The following C1QTNF2 variants were observed in gnomAD, a reference collection of about 807,000 sequenced individuals.
C1QTNF2 encodes complement C1q tumor necrosis factor-related protein 2.
A neutral mutation model predicts 17.4 loss-of-function variants in C1QTNF2; 15 were observed. That is an observed-to-expected ratio of 0.86 (90% CI 0.58 to 1.33). The LOEUF (loss-of-function observed/expected upper bound fraction) is 1.33, where lower values mean the gene tolerates loss of function less well. Among genes scored for constraint, C1QTNF2 ranks in the 40% most tolerant of loss-of-function variants. The probability of loss-of-function intolerance (pLI) is 0.00; values close to 1 mark genes in which losing one functional copy is unlikely to be tolerated. For synonymous variants in C1QTNF2, 154 were observed against 163.3 expected (o/e 0.94, Z 0.44); for missense variants, 381 against 392.3 (o/e 0.97, Z 0.24).
chr5:160,363,347 C>T (rs1764188291), intron 1 of C1QTNF2, among the ~76,000 whole-genome samples: 2 of 152,214 alleles, frequency 1.3e-5, no homozygotes, highest in African/African-American at 4.8e-5. Flanking sequence ...ATCTCAAGAT[C>T]AGTGTCCTTT....
intron 2 of C1QTNF2, among the ~76,000 whole-genome samples, chr5:160,350,110 TGAGAA>T (rs2077242806): frequency 1.3e-5 from 2 of 152,170 alleles, no homozygotes; most frequent in South Asian, 4.1e-4. Flanking sequence ...GGTAATGGGT[TGAGAA>T]GAGAACTGGA....
chr5:160,361,678 G>A (rs546747568), intron 1 of C1QTNF2, among the ~76,000 whole-genome samples: 1 of 152,334 alleles, frequency 6.6e-6, no homozygotes, highest in South Asian at 2.1e-4. Context: ...GTTTGACACT[G>A]TAAACGCTCC....
At chr5:160,367,586 C>A (rs1310871604) in intron 1 of C1QTNF2, among the ~76,000 whole-genome samples, 4 of 152,192 alleles carry the variant, frequency 2.6e-5, no homozygotes, top group Non-Finnish European at 4.4e-5. Flanking sequence ...TGGCCACCTG[C>A]AAGCCACAGA....
intron 1 of C1QTNF2, among the ~76,000 whole-genome samples, chr5:160,356,163 G>T (rs960772607): frequency 1.3e-5 from 2 of 152,232 alleles, no homozygotes; most frequent in African/African-American, 4.8e-5. Flanking sequence ...CAACAAATCA[G>T]TTCCTTTGCT....
intron 1 of C1QTNF2, among the ~76,000 whole-genome samples, chr5:160,363,568 G>A (rs994020981): frequency 6.6e-6 from 1 of 152,242 alleles, no homozygotes; most frequent in African/African-American, 2.4e-5. Flanking sequence ...AAAGCACACA[G>A]GAAATCAGCC....
rs1354840992 is a variant in C1QTNF2 at position 160,350,750 on chromosome 5, A to ATT, written c.245-971_245-970dup. ...AAAAGGAATGGAATCCACAATGCCA[A>ATT]TTTTTTTTTTTTTTTTTTGAGACGG... On this transcript the variant is annotated intron_variant, in intron 2 of 2. Coordinates refer to ENST00000652664, the MANE Select transcript of C1QTNF2 (RefSeq NM_031908.6). Among the ~76,000 whole-genome samples, 635 of 140,232 alleles carry ATT rather than the reference A, an allele frequency of 4.5e-3. 6 individuals are homozygous for ATT. The highest frequency in any genetic ancestry group is 0.039 in the Middle Eastern group (11 of 282). The allele number at this position is 140,232 out of a possible 152,430, so 92.0% of individuals were successfully genotyped here.
rs1763859610 is a variant in C1QTNF2 at position 160,349,251 on chromosome 5, G to A, written c.775C>T (p.Leu259Phe). 1.9e-6 allele frequency: 3 copies of A among 1,614,002 alleles called. No individual in the cohort carries two copies. The highest frequency in any genetic ancestry group is 2.5e-6 in the Non-Finnish European group (3 of 1,180,014). ...LQIFYSEQNG[L>F]FYDPYWTDSL... The stretch of plus-strand genomic sequence containing the variant: ...TCTGTCCAGTAAGGGTCATAGAAGA[G>A]CCCGTTCTGCTCTGAGTAGAAGATC... Residue 259 changes from leucine to phenylalanine, a missense_variant, in exon 3 of 3, where the codon CTC becomes TTC. By Grantham distance (22) the Leu-to-Phe change is conservative (BLOSUM62 0). Coordinates refer to ENST00000652664, the MANE Select transcript of C1QTNF2 (RefSeq NM_031908.6). This position sits in a 1 kb window ranked among gnomAD's most constrained non-coding sequence, Gnocchi z 4.3.
At position 160,369,125 on chromosome 5, in the gene C1QTNF2, T is replaced by C. The variant is rs115081049; in HGVS notation, c.-10+1387A>G. On this transcript the variant is annotated intron_variant, in intron 1 of 2. Coordinates refer to ENST00000652664, the MANE Select transcript of C1QTNF2 (RefSeq NM_031908.6). ...GTACAGAAGGGTTGGGGAAATACTTTCCGAAAAGACACAATCTTGTTAAGG... is the reference window on the plus strand; with the variant it reads ...GTACAGAAGGGTTGGGGAAATACTTCCCGAAAAGACACAATCTTGTTAAGG... Among the ~76,000 whole-genome samples, 1,276 of 152,194 alleles carry C rather than the reference T, an allele frequency of 8.4e-3. 15 individuals carry two copies. The highest frequency in any genetic ancestry group is 0.029 in the African/African-American group (1,224 of 41,534).
intron 1 of C1QTNF2, among the ~76,000 whole-genome samples, chr5:160,360,963 T>G (rs957164593): frequency 3.3e-5 from 5 of 151,852 alleles, no homozygotes; most frequent in African/African-American, 1.2e-4. Context: ...CCCGGCTAAT[T>G]TTTTGTATTT....
chr5:160,350,515 G>T (rs986041031), intron 2 of C1QTNF2, among the ~76,000 whole-genome samples: 4 of 152,034 alleles, frequency 2.6e-5, no homozygotes, highest in Non-Finnish European at 4.4e-5. Flanking sequence ...ACCAGCCTGG[G>T]CAATGTAGCC....
At chr5:160,361,610 G>C (rs1329997009) in intron 1 of C1QTNF2, among the ~76,000 whole-genome samples, 1 of 152,002 alleles carries the variant, frequency 6.6e-6, no homozygotes, top group African/African-American at 2.4e-5. Flanking sequence ...ACCTACCTCA[G>C]GGAGTTTGTG....
rs1763883584 is a variant in C1QTNF2, at chr5:160,349,860, A to G, written c.245-79T>C. The stretch of plus-strand genomic sequence containing the variant: ...GGGTGCGGTGCGGCTTGGTCTTCCA[A>G]TCTTGGAGAAGGAGTGCTTGGGTAA... On this transcript the variant is annotated intron_variant, in intron 2 of 2. Coordinates refer to ENST00000652664, the MANE Select transcript of C1QTNF2 (RefSeq NM_031908.6). This position sits in a 1 kb window ranked among gnomAD's most constrained non-coding sequence, Gnocchi z 4.3. 6.9e-7 allele frequency: 1 copy of G among 1,456,612 alleles called. No individual in the cohort carries two copies. Among genetic ancestry groups the G allele is most frequent in the Non-Finnish European group, 9.1e-7 (1 of 1,104,348 alleles). The allele number at this position is 1,456,612 out of a possible 1,614,324, so 90.2% of individuals were successfully genotyped here.
rs1400949450 is a variant in C1QTNF2 at position 160,347,766 on chromosome 5, TTTTG to T, written c.*1398_*1401del. On this transcript the variant is annotated 3_prime_UTR_variant, in exon 3 of 3. Coordinates refer to ENST00000652664, the MANE Select transcript of C1QTNF2 (RefSeq NM_031908.6). ...GTTTTTGTTTTTGTTTTTTTTTTTT[TTTTG>T]TTTTTTTTTGAGATAGTCTCACTCT... 52 of 148,742 alleles carry T rather than the reference TTTTG, an allele frequency of 3.5e-4. No individual in the cohort carries two copies. The highest frequency in any genetic ancestry group is 1.2e-3 in the African/African-American group (50 of 40,454). 9.2% of individuals were successfully genotyped at this position (148,742 alleles called of 1,614,324 possible). A position where few individuals can be genotyped will look rare whatever the true frequency, so the allele number is the denominator to read the frequency against.
chr5:160,361,006 G>T lies in C1QTNF2; in HGVS notation c.-9-5986C>A, dbSNP rs186181005. 5.0e-3 allele frequency among the ~76,000 whole-genome samples: 768 copies of T among 152,142 alleles called. 10 individuals carry two copies. The highest frequency in any genetic ancestry group is 0.017 in the African/African-American group (725 of 41,518). On this transcript the variant is annotated intron_variant, in intron 1 of 2. Coordinates refer to ENST00000652664, the MANE Select transcript of C1QTNF2 (RefSeq NM_031908.6). ...AGACGGGGTTTCATCATGCTGGCCAGGCTGGTCTCGAACTCCTGACCTCGT... is the reference window on the plus strand; with the variant it reads ...AGACGGGGTTTCATCATGCTGGCCATGCTGGTCTCGAACTCCTGACCTCGT...
chr5:160,359,617 G>A (rs544947347), intron 1 of C1QTNF2, among the ~76,000 whole-genome samples: 2 of 152,190 alleles, frequency 1.3e-5, no homozygotes, highest in Non-Finnish European at 2.9e-5. Flanking sequence ...TCTCTCTTGG[G>A]GTGCTGGAGT....
At chr5:160,369,641 G>C (rs562043839) in intron 1 of C1QTNF2, among the ~76,000 whole-genome samples, 71 of 152,314 alleles carry the variant, frequency 4.7e-4, no homozygotes, top group Middle Eastern at 3.4e-3. Context: ...GTCTCTGAGA[G>C]ATGGCCAGTC....
rs760662913 is a variant in C1QTNF2 at position 160,370,610 on chromosome 5, G to C, written c.-108C>G. 1.2e-5 allele frequency: 18 copies of C among 1,448,642 alleles called. No individual in the cohort carries two copies. The highest frequency in any genetic ancestry group is 1.4e-5 in the Non-Finnish European group (16 of 1,104,292). The allele number at this position is 1,448,642 out of a possible 1,614,324, so 89.7% of individuals were successfully genotyped here. A position where few individuals can be genotyped will look rare whatever the true frequency, so the allele number is the denominator to read the frequency against. ...TCCTCAGCGGCAGCAGCCGGGCAGA[G>C]CGTCGGCCCCAGGCATAGTTTTCCC... On this transcript the variant is annotated 5_prime_UTR_variant, in exon 1 of 3. Transcript: ENST00000652664.
At chr5:160,362,203 T>A (rs1764167130) in intron 1 of C1QTNF2, among the ~76,000 whole-genome samples, 1 of 152,204 alleles carries the variant, frequency 6.6e-6, no homozygotes, top group Non-Finnish European at 1.5e-5. Context: ...CCAAGCTGGC[T>A]AAGACCCACT....
chr5:160,349,232 C>A lies in C1QTNF2; in HGVS notation c.794G>T (p.Trp265Leu). The A allele has an allele frequency of 1.2e-6, 2 of 1,614,134 alleles. No individual in the cohort carries two copies. The highest frequency in any genetic ancestry group is 8.5e-7 in the Non-Finnish European group (1 of 1,180,032). Residue 265 changes from tryptophan (W) to leucine (L), a missense_variant, in exon 3 of 3, where the codon TGG becomes TTG. Trp to Leu is a moderately conservative substitution (Grantham distance 61). Coordinates refer to ENST00000652664, the MANE Select transcript of C1QTNF2 (RefSeq NM_031908.6). This position sits in a 1 kb window ranked among gnomAD's most constrained non-coding sequence, Gnocchi z 4.3. ...GAAGCCCGTAAAGAGGCTGTCTGTC[C>A]AGTAAGGGTCATAGAAGAGCCCGTT... is the stretch of plus-strand genomic sequence containing the variant. Reference protein sequence around the residue: ...EQNGLFYDPYWTDSLFTGFLI... With the variant: ...EQNGLFYDPYLTDSLFTGFLI...
Sources: gnomAD v4.1 joint callset for allele counts (sites outside exome capture counted in the v4.1 genomes callset) on GRCh38, gnomAD v4.1.1 for gene constraint, Gnocchi (gnomAD v3.1) non-coding constraint, MANE v1.5 for transcripts, NCBI Gene and HGNC (gene_info 2026-07-23, HGNC 2026-07-21) for gene names.